The following NWD2 variants were observed in gnomAD, a reference collection of about 807,000 sequenced individuals.
The protein encoded by NWD2 is NACHT and WD repeat domain-containing protein 2.
Under a neutral mutation model 132.7 loss-of-function variants are expected in NWD2, and 37 were observed. The ratio of observed to expected loss-of-function variants is 0.28; its 90% CI spans 0.21 to 0.37. The LOEUF is 0.37. NWD2 is among the 10% of genes least tolerant of loss of function. The pLI is 1.00. For synonymous variants in NWD2, 705 were observed against 803.0 expected (o/e 0.88, Z 2.06); for missense variants, 1,592 against 2,122.4 (o/e 0.75, Z 4.91).
At chr4:37,407,575 G>C (rs1721070046) in intron 3 of NWD2, among the ~76,000 whole-genome samples, 2 of 152,122 alleles carry the variant, frequency 1.3e-5, no homozygotes, top group African/African-American at 4.8e-5. Flanking sequence ...GAGGGAGTGG[G>C]GATATTATAG....
chr4:37,288,917 CTG>C (rs1218273111), intron 1 of NWD2, among the ~76,000 whole-genome samples: 1 of 151,956 alleles, frequency 6.6e-6, no homozygotes, highest in Non-Finnish European at 1.5e-5. Flanking sequence ...TTAAATAAAA[CTG>C]AGCTCTAGGG....
chr4:37,373,949 C>T (rs1349908655), intron 3 of NWD2, among the ~76,000 whole-genome samples: 1 of 152,186 alleles, frequency 6.6e-6, no homozygotes, highest in Non-Finnish European at 1.5e-5. Context: ...ATGCAGAGGA[C>T]TCGAGACTGA....
intron 1 of NWD2, among the ~76,000 whole-genome samples, chr4:37,261,043 A>T (rs1717625900): frequency 6.6e-6 from 1 of 152,212 alleles, no homozygotes; most frequent in African/African-American, 2.4e-5. Flanking sequence ...TATTTCTAAA[A>T]TTGGAAATAT....
intron 3 of NWD2, among the ~76,000 whole-genome samples, chr4:37,374,132 G>A (rs560143798): frequency 1.3e-5 from 2 of 152,310 alleles, no homozygotes; most frequent in Non-Finnish European, 2.9e-5. Flanking sequence ...CCTCATGAAT[G>A]GCTTGGGGCT....
intron 4 of NWD2, 80 bp downstream of exon 4, chr4:37,430,855 C>A: frequency 7.7e-7 from 1 of 1,295,360 alleles, no homozygotes; most frequent in Non-Finnish European, 1.1e-6. Context: ...GGTGGTGCTG[C>A]ACAGAAAAGG....
intron 2 of NWD2, among the ~76,000 whole-genome samples, chr4:37,336,487 G>A (rs1383472014): frequency 6.6e-6 from 1 of 152,220 alleles, no homozygotes; most frequent in East Asian, 1.9e-4. Flanking sequence ...GTCTGTCTGG[G>A]TGGGATCATC....
intron 1 of NWD2, among the ~76,000 whole-genome samples, chr4:37,309,312 C>G (rs1024964364): frequency 1.3e-5 from 2 of 152,076 alleles, no homozygotes. Flanking sequence ...TTCTGGGGAG[C>G]ACATGCTTTG....
intron 3 of NWD2, among the ~76,000 whole-genome samples, chr4:37,401,478 A>G (rs181394597): frequency 2.3e-4 from 35 of 152,206 alleles, no homozygotes; most frequent in Non-Finnish European, 3.8e-4. Context: ...CTGTGACTCT[A>G]TTCCATTGCT....
At chr4:37,424,721 C>T (rs969029128) in intron 3 of NWD2, among the ~76,000 whole-genome samples, 37 of 152,162 alleles carry the variant, frequency 2.4e-4, no homozygotes, top group African/African-American at 7.7e-4. Flanking sequence ...AGCTGCCTCA[C>T]GCCCAACAAA....
intron 1 of NWD2, among the ~76,000 whole-genome samples, chr4:37,246,734 G>A (rs966537221): frequency 3.9e-5 from 6 of 152,138 alleles, no homozygotes; most frequent in African/African-American, 1.2e-4. Context: ...TTTTAGTTCT[G>A]AGCTTTTAAA....
At position 37,300,022 on chromosome 4, in the gene NWD2, C is replaced by T. The variant is rs538384435; in HGVS notation, c.152-25914C>T. ...ACATCGTGTCCTTTTCAAGCCTTCC[C>T]GCTTTGTTCATGCTGCTATGTCTTC... On this transcript the variant is annotated intron_variant, in intron 1 of 6. Coordinates refer to ENST00000309447, the MANE Select transcript of NWD2 (RefSeq NM_001144990.2). Among the ~76,000 whole-genome samples, 7 of 152,198 alleles carry T rather than the reference C, an allele frequency of 4.6e-5. No homozygotes were observed. The East Asian group carries it at 7.7e-4, about 17-fold the overall frequency.
intron 2 of NWD2, among the ~76,000 whole-genome samples, chr4:37,326,289 C>T (rs1294317238): frequency 7.2e-5 from 11 of 152,156 alleles, no homozygotes; most frequent in African/African-American, 2.2e-4. Flanking sequence ...GCTTTTTTGA[C>T]GGTCTCCACT....
At chr4:37,251,573 G>A (rs1717361016) in intron 1 of NWD2, among the ~76,000 whole-genome samples, 1 of 152,186 alleles carries the variant, frequency 6.6e-6, no homozygotes, top group African/African-American at 2.4e-5. Flanking sequence ...TGAGTACTGG[G>A]TAGCTGCTCA....
At chr4:37,380,497 A>G (rs996486307) in intron 3 of NWD2, among the ~76,000 whole-genome samples, 1 of 152,252 alleles carries the variant, frequency 6.6e-6, no homozygotes, top group African/African-American at 2.4e-5. Context: ...AAAACTTACT[A>G]TACAATTTTT....
chr4:37,302,662 G>C (rs1397391108), intron 1 of NWD2, among the ~76,000 whole-genome samples: 2 of 151,674 alleles, frequency 1.3e-5, no homozygotes, highest in African/African-American at 4.8e-5. Flanking sequence ...ATTTTAACTG[G>C]GGTGAGATAA....
chr4:37,371,072 CTTTTTCTTTTTTT>C (rs886940856), intron 3 of NWD2, among the ~76,000 whole-genome samples: 4 of 100,526 alleles, frequency 4.0e-5, no homozygotes, highest in African/African-American at 1.2e-4. Context: ...ATTTTTTTTT[CTTTTTCTTTTTTT>C]TTTTTTTTTT....
At chr4:37,285,437 TAATACAC>T (rs1313929356) in intron 1 of NWD2, among the ~76,000 whole-genome samples, 2 of 151,968 alleles carry the variant, frequency 1.3e-5, no homozygotes, top group African/African-American at 4.8e-5. Context: ...GGCCTTCTAA[TAATACAC>T]AATATAATAA....
At chr4:37,349,194 A>G (rs926410841) in intron 2 of NWD2, among the ~76,000 whole-genome samples, 3 of 152,162 alleles carry the variant, frequency 2.0e-5, no homozygotes, top group African/African-American at 7.2e-5. Flanking sequence ...TTGGTTATAT[A>G]CCCAGTAATG....
intron 1 of NWD2, among the ~76,000 whole-genome samples, chr4:37,265,558 T>A (rs995009657): frequency 6.6e-6 from 1 of 152,086 alleles, no homozygotes; most frequent in African/African-American, 2.4e-5. Flanking sequence ...CTTTTGCATC[T>A]TCTAGACTCT....
Sources: gnomAD v4.1 joint callset for allele counts (sites outside exome capture counted in the v4.1 genomes callset) on GRCh38, gnomAD v4.1.1 for gene constraint, MANE v1.5 for transcripts, NCBI Gene and HGNC (gene_info 2026-07-23, HGNC 2026-07-21) for gene names.